The following RBM34 variants were observed in gnomAD, a reference collection of about 807,000 sequenced individuals.
RBM34 encodes the protein RNA-binding protein 34.
RBM34 carries 39 observed loss-of-function variants against 44.6 expected under a neutral mutation model. That is an observed-to-expected ratio of 0.87 (90% CI 0.68 to 1.14). The LOEUF is 1.14. RBM34 is among the 50% of genes most tolerant of loss of function. RBM34 has a pLI of 0.00. For missense variants in RBM34, 572 were observed against 517.9 expected (o/e 1.10, Z -1.01); for synonymous variants, 194 against 184.0 (o/e 1.05, Z -0.44).
At chr1:235,143,715 G>C (rs1661783288) in intron 6 of RBM34, among the ~76,000 whole-genome samples, 1 of 152,126 alleles carries the variant, frequency 6.6e-6, no homozygotes, top group Non-Finnish European at 1.5e-5. Context: ...TCCAGCCTGA[G>C]CGACAGAGCA....
intron 6 of RBM34, among the ~76,000 whole-genome samples, chr1:235,140,396 AGGCCCTGCC>A (rs1002092370): frequency 6.6e-6 from 1 of 152,088 alleles, no homozygotes; most frequent in African/African-American, 2.4e-5. Flanking sequence ...CCGGCCCTGC[AGGCCCTGCC>A]GGCCCCGGGC....
intron 10 of RBM34, among the ~76,000 whole-genome samples, chr1:235,132,974 G>T (rs1021568734): frequency 6.6e-6 from 1 of 152,186 alleles, no homozygotes. Context: ...CTTCAAAATG[G>T]TAACACATCT....
intron 3 of RBM34, among the ~76,000 whole-genome samples, chr1:235,158,274 G>A (rs1171811464): frequency 6.6e-6 from 1 of 151,980 alleles, no homozygotes; most frequent in Non-Finnish European, 1.5e-5. Context: ...AAAATTAGCT[G>A]GGTGTGGTGG....
intron 3 of RBM34, among the ~76,000 whole-genome samples, chr1:235,159,759 C>T (rs569172798): frequency 1.3e-4 from 19 of 149,592 alleles, no homozygotes; most frequent in Non-Finnish European, 2.2e-4. Context: ...CTCAGCTCCA[C>T]GGGAGGCCTG....
At chr1:235,154,765 G>A (rs1662320750) in intron 4 of RBM34, 116 bp downstream of exon 4, 4 of 836,524 alleles carry the variant, frequency 4.8e-6, no homozygotes, top group East Asian at 2.6e-5. Context: ...ATATTAGGAT[G>A]ATTTATGTAA....
At position 235,131,926 on chromosome 1, in the gene RBM34, C is replaced by T; in HGVS notation, c.1080G>A (p.Met360Ile). The change falls in exon 11 of 11, where the codon ATG becomes ATA. Residue 360 changes from methionine to isoleucine, a missense_variant. Met to Ile is a conservative substitution (Grantham distance 10, BLOSUM62 1). Coordinates refer to ENST00000408888, the MANE Select transcript of RBM34 (RefSeq NM_015014.4). ...TAAATTTTTCTTTATTAACAGAACG[C>T]ATGACTCTGAGTTTTCTCCCCATGA... ...SELMGRKLRVMRSVNKEKFKQ... is the reference protein window; with the variant it reads ...SELMGRKLRVIRSVNKEKFKQ... 2.5e-6 allele frequency: 4 copies of T among 1,613,076 alleles called. No homozygotes were observed. Among genetic ancestry groups the T allele is most frequent in the Non-Finnish European group, 3.4e-6 (4 of 1,179,210 alleles).
chr1:235,135,723 T>C lies in RBM34; in HGVS notation c.937A>G (p.Ile313Val). 1 of 1,614,240 alleles carries C rather than the reference T, an allele frequency of 6.2e-7. No individual in the cohort carries two copies. Residue 313 changes from isoleucine (I) to valine (V), a missense_variant, in exon 10 of 11, where the codon ATC (isoleucine) becomes GTC (valine). Transcript: ENST00000408888. ...TCTCTCACAATCCTCACGGCCATGA[T>C]ACTTCCACAGTCCAGAAAGTGCTTC... ...IEKHFLDCGS[I>V]MAVRIVRDKM...
At chr1:235,158,252 C>CA (rs1203692661) in intron 3 of RBM34, among the ~76,000 whole-genome samples, 1 of 151,160 alleles carries the variant, frequency 6.6e-6, no homozygotes, top group Non-Finnish European at 1.5e-5. Context: ...CCATCTCTAC[C>CA]AAAAAAATAC....
rs1335012752 is a variant in RBM34 at position 235,160,507 on chromosome 1, C to A, written c.365+4G>T. 1.2e-6 allele frequency: 2 copies of A among 1,608,668 alleles called. No homozygotes were observed. The highest frequency in any genetic ancestry group is 1.7e-6 in the Non-Finnish European group (2 of 1,178,572). ...TTAACATCAAATAAGAGAATTTTACCAACCTGTCTGCCAACTTTTTTTCTG... is the reference window on the plus strand; with the variant it reads ...TTAACATCAAATAAGAGAATTTTACAAACCTGTCTGCCAACTTTTTTTCTG... On this transcript the variant is annotated splice_donor_region_variant and intron_variant, in intron 3 of 10. Coordinates refer to ENST00000408888, the MANE Select transcript of RBM34 (RefSeq NM_015014.4).
chr1:235,160,152 C>G (rs983300470), intron 3 of RBM34: 4 of 399,544 alleles, frequency 1.0e-5, no homozygotes, highest in South Asian at 1.9e-5. Context: ...TACTCAGGGC[C>G]GAGGCAGGAG....
intron 6 of RBM34, among the ~76,000 whole-genome samples, chr1:235,144,382 G>A (rs2102841081): frequency 6.6e-6 from 1 of 151,744 alleles, no homozygotes; most frequent in African/African-American, 2.4e-5. Flanking sequence ...AACTCGAGAT[G>A]ATAAAGTGTT....
At chr1:235,149,469 A>T (rs1332989099) in intron 5 of RBM34, among the ~76,000 whole-genome samples, 1 of 152,134 alleles carries the variant, frequency 6.6e-6, no homozygotes, top group African/African-American at 2.4e-5. Context: ...ATTCTAATAA[A>T]TTTTTAAATA....
intron 5 of RBM34, among the ~76,000 whole-genome samples, chr1:235,152,192 C>T (rs771804820): frequency 5.3e-5 from 8 of 151,802 alleles, no homozygotes; most frequent in African/African-American, 1.9e-4. Flanking sequence ...ATACTTATTT[C>T]CTGCTCCAAA....
At chr1:235,135,599 A>G in intron 10 of RBM34, 53 bp downstream of exon 10, 1 of 1,401,558 alleles carries the variant, frequency 7.1e-7, no homozygotes, top group African/African-American at 1.4e-5. Context: ...CAACAGTGTC[A>G]ATGCCTCCCA....
Position 235,152,495 on chromosome 1 carries a change from G to C in RBM34, c.657+211C>G, listed in dbSNP as rs75883540. ...TACATTGCAGGCTTTCATAGCAAGAGTATCATTTTATTAAGTAAACTCAAT... is the reference window on the plus strand; with the variant it reads ...TACATTGCAGGCTTTCATAGCAAGACTATCATTTTATTAAGTAAACTCAAT... On this transcript the variant is annotated intron_variant, in intron 5 of 10. Coordinates refer to ENST00000408888, the MANE Select transcript of RBM34 (RefSeq NM_015014.4). The C allele has an allele frequency of 2.0e-4, 258 of 1,286,176 alleles. 1 individual carries two copies. In the African/African-American group the frequency reaches 3.3e-3, roughly 17 times the overall value. The allele number at this position is 1,286,176 out of a possible 1,614,324, so 79.7% of individuals were successfully genotyped here.
intron 4 of RBM34, 85 bp from the exon 5 acceptor site, chr1:235,152,850 G>A: frequency 9.1e-7 from 1 of 1,103,676 alleles, no homozygotes; most frequent in Non-Finnish European, 1.3e-6. Context: ...AAAATTGTCT[G>A]ATAATCCTCT....
intron 5 of RBM34, among the ~76,000 whole-genome samples, chr1:235,148,791 G>A (rs149753360): frequency 0.011 from 1,736 of 151,844 alleles, 31 homozygotes; most frequent in African/African-American, 0.036. Context: ...GTAGAGATGC[G>A]GTTTCATCAG....
rs199592826 is a variant in RBM34, at chr1:235,155,344, CT to C, written c.366-233del. ...CTCAAGATTTAGAAAAAGTTAAGCT[CT>C]TTTTTTTTTTCTTTGAGACAGGGTC... On this transcript the variant is annotated intron_variant, in intron 3 of 10. Coordinates refer to ENST00000408888, the MANE Select transcript of RBM34 (RefSeq NM_015014.4). Among the ~76,000 whole-genome samples, 355 of 146,870 alleles carry C rather than the reference CT, an allele frequency of 2.4e-3. 5 individuals carry two copies. Among genetic ancestry groups the C allele is most frequent in the East Asian group, 0.016 (83 of 5,038 alleles).
intron 10 of RBM34, among the ~76,000 whole-genome samples, chr1:235,133,772 G>C (rs1344712889): frequency 6.6e-6 from 1 of 152,138 alleles, no homozygotes; most frequent in Admixed American, 6.6e-5. Context: ...TTTTATATAA[G>C]GGACTTCAGC....
Sources: gnomAD v4.1 joint callset for allele counts (sites outside exome capture counted in the v4.1 genomes callset) on GRCh38, gnomAD v4.1.1 for gene constraint, MANE v1.5 for transcripts, NCBI Gene and HGNC (gene_info 2026-07-23, HGNC 2026-07-21) for gene names.